LARGE1: variants seen among roughly 807,000 people sequenced by gnomAD.
The protein encoded by LARGE1 is LARGE xylosyl- and glucuronyltransferase 1.
A neutral mutation model predicts 87.6 loss-of-function variants in LARGE1; 43 were observed. The observed-to-expected ratio is 0.49, with a 90% confidence interval of 0.38 to 0.63. The LOEUF (loss-of-function observed/expected upper bound fraction) is 0.63, where lower values mean the gene tolerates loss of function less well. LARGE1 is among the 30% of genes least tolerant of loss of function. LARGE1 has a pLI of 0.00. For synonymous variants in LARGE1, 434 were observed against 394.6 expected, an observed-to-expected ratio of 1.10 and a Z score of -1.18; for missense variants, 802 against 1,000.2, an observed-to-expected ratio of 0.80 and a Z score of 2.67.
intron 2 of LARGE1, among the ~76,000 whole-genome samples, chr22:33,731,214 A>T (rs1426601158): frequency 6.6e-6 from 1 of 151,376 alleles, no homozygotes; most frequent in Non-Finnish European, 1.5e-5. Flanking sequence ...CATGTTAGCC[A>T]CGATGGTCTC....
At chr22:33,145,127 G>A in the LARGE1 span, among the ~76,000 whole-genome samples, 1 of 152,262 alleles carries the variant, frequency 6.6e-6, no homozygotes, top group East Asian at 1.9e-4. Context: ...GGAAGGGCAG[G>A]AAGGAGGGAG....
chr22:33,267,529 C>T (rs1230149922), downstream of LARGE1, among the ~76,000 whole-genome samples: 1 of 151,570 alleles, frequency 6.6e-6, no homozygotes, highest in Admixed American at 6.6e-5. Flanking sequence ...TCGCTTACTA[C>T]AAGATGCACT....
chr22:33,911,087 C>T (rs2065622650), intron 1 of LARGE1, among the ~76,000 whole-genome samples: 1 of 152,142 alleles, frequency 6.6e-6, no homozygotes. Flanking sequence ...CAAAAATGAC[C>T]GAATGAGAGA....
chr22:33,441,071 C>CT (rs35976426), intron 6 of LARGE1, among the ~76,000 whole-genome samples: 27,706 of 98,416 alleles, frequency 0.28, 4,645 homozygotes, highest in African/African-American at 0.33. Context: ...TTTGTTTGAA[C>CT]TTTTTTTTTT....
chr22:33,895,907 C>A (rs1391031706), intron 1 of LARGE1, among the ~76,000 whole-genome samples: 1 of 152,176 alleles, frequency 6.6e-6, no homozygotes, highest in African/African-American at 2.4e-5. Context: ...GCCAGAGATA[C>A]CTTATTTTCA....
chr22:33,916,153 C>T (rs548926404), intron 1 of LARGE1, among the ~76,000 whole-genome samples: 14 of 151,978 alleles, frequency 9.2e-5, no homozygotes, highest in Non-Finnish European at 1.8e-4. Flanking sequence ...TGGGGGCGGG[C>T]GCCTGTAATC....
At chr22:33,614,760 T>C (rs540158585) in intron 4 of LARGE1, among the ~76,000 whole-genome samples, 2 of 152,314 alleles carry the variant, frequency 1.3e-5, no homozygotes, top group African/African-American at 4.8e-5. Flanking sequence ...ATCTCCATGT[T>C]AACCTCCAAG....
intron 2 of LARGE1, among the ~76,000 whole-genome samples, chr22:33,690,145 G>C (rs935546380): frequency 6.6e-6 from 1 of 152,042 alleles, no homozygotes; most frequent in African/African-American, 2.4e-5. Context: ...AGTTGCCTGG[G>C]GCAAAAGAAA....
intron 9 of LARGE1, among the ~76,000 whole-genome samples, chr22:33,346,682 AACACTCACATTGAC>A: frequency 6.6e-6 from 1 of 152,152 alleles, no homozygotes; most frequent in Admixed American, 6.5e-5. Flanking sequence ...GCTTTTCCTG[AACACTCACATTGAC>A]ACCTCCTTGT....
chr22:33,638,988 T>C (rs928922971), intron 3 of LARGE1, among the ~76,000 whole-genome samples: 15 of 152,196 alleles, frequency 9.9e-5, no homozygotes, highest in African/African-American at 3.4e-4. Flanking sequence ...GTTCCTCTCA[T>C]TGAGAGATGG....
intron 10 of LARGE1, among the ~76,000 whole-genome samples, chr22:33,332,621 C>G (rs1298056586): frequency 6.6e-6 from 1 of 152,202 alleles, no homozygotes; most frequent in African/African-American, 2.4e-5. Context: ...TATCACAGCT[C>G]TAATGACCTC....
At chr22:33,458,288 T>G (rs1267381592) in intron 6 of LARGE1, among the ~76,000 whole-genome samples, 1 of 151,978 alleles carries the variant, frequency 6.6e-6, no homozygotes, top group Non-Finnish European at 1.5e-5. Flanking sequence ...GTATTTTTAG[T>G]GGAGACGGGG....
At chr22:33,162,636 C>T (rs1400242577) in exon 12 of LARGE1, 1 of 152,164 alleles carries the variant, frequency 6.6e-6, no homozygotes, top group Non-Finnish European at 1.5e-5. Context: ...GCTTGCTTAT[C>T]TACAGAAGAA....
intron 4 of LARGE1, among the ~76,000 whole-genome samples, chr22:33,615,774 T>C (rs1247781433): frequency 1.3e-5 from 2 of 151,472 alleles, no homozygotes; most frequent in Admixed American, 6.6e-5. Context: ...ATATATTTGA[T>C]AAGCAACCTG....
the LARGE1 span, among the ~76,000 whole-genome samples, chr22:33,143,772 TA>T: frequency 4.6e-5 from 7 of 152,176 alleles, no homozygotes; most frequent in Non-Finnish European, 8.8e-5. Flanking sequence ...ATAGAATTAA[TA>T]TCAAATCATT....
At chr22:33,815,024 G>A (rs1482043066) in intron 1 of LARGE1, among the ~76,000 whole-genome samples, 4 of 152,174 alleles carry the variant, frequency 2.6e-5, no homozygotes, top group African/African-American at 9.7e-5. Context: ...AAGACACACT[G>A]CCCTCCAAAA....
chr22:33,739,477 C>G (rs1365686988), intron 2 of LARGE1, among the ~76,000 whole-genome samples: 1 of 151,960 alleles, frequency 6.6e-6, no homozygotes, highest in Admixed American at 6.5e-5. Context: ...TCTAATTTAC[C>G]CTGCAGCCAC....
intron 6 of LARGE1, among the ~76,000 whole-genome samples, chr22:33,549,237 T>C (rs1419093978): frequency 6.6e-6 from 1 of 151,602 alleles, no homozygotes; most frequent in African/African-American, 2.4e-5. Context: ...ATATTTGTCT[T>C]CATTGACAGG....
chr22:33,719,265 G>A (rs1037479569), intron 2 of LARGE1, among the ~76,000 whole-genome samples: 23 of 152,150 alleles, frequency 1.5e-4, no homozygotes, highest in Non-Finnish European at 1.5e-5. Context: ...AGTTTATAAA[G>A]TAAAAAAGTT....
Sources: allele counts gnomAD v4.1 joint callset (sites outside exome capture counted in the v4.1 genomes callset), GRCh38; gene constraint gnomAD v4.1.1; transcripts MANE v1.5; gene names NCBI Gene and HGNC (gene_info 2026-07-23, HGNC 2026-07-21).